Variants in CARHSP1 observed in about 807,000 individuals in gnomAD.
The protein encoded by CARHSP1 is calcium regulated heat stable protein 1.
In CARHSP1, 14 loss-of-function variants were observed where a neutral mutation model predicts 12.5. The observed-to-expected ratio is 1.12, with a 90% CI of 0.74 to 1.75. The LOEUF (loss-of-function observed/expected upper bound fraction) is 1.75, where lower values mean the gene tolerates loss of function less well. CARHSP1 is among the 40% of genes most tolerant of loss of function. The pLI is 0.00. For missense variants in CARHSP1, 343 were observed against 201.6 expected (o/e 1.70, Z -4.25); for synonymous variants, 161 against 82.0 (o/e 1.96, Z -5.20).
In CARHSP1 at chr16:8,854,987, G is replaced by A. The variant is rs554702983; in HGVS notation, c.*177C>T. 4.9e-4 allele frequency: 241 copies of A among 491,156 alleles called. 2 individuals carry two copies. In the Middle Eastern group the frequency reaches 9.1e-3, roughly 19 times the overall value. 30.4% of individuals were successfully genotyped at this position (491,156 alleles called of 1,614,324 possible). A position where few individuals can be genotyped will look rare whatever the true frequency, so the allele number is the denominator to read the frequency against. ...ATGGTCATAGGCTGTGCTGATGGCC[G>A]GGAACACCCCACACCCCACACCTGC... On this transcript the variant is annotated 3_prime_UTR_variant, in exon 4 of 4. Transcript: ENST00000311052.
chr16:8,857,734 C>G (rs1485480129), intron 3 of CARHSP1: 1 of 149,130 alleles, frequency 6.7e-6, no homozygotes, highest in Non-Finnish European at 1.5e-5. Flanking sequence ...GGATTACATG[C>G]ACCTGTCACC....
intron 3 of CARHSP1, among the ~76,000 whole-genome samples, chr16:8,857,263 G>GTTTTTTGTTTTTTTTTTTTTTTTTTTTT (rs1315960023): frequency 1.8e-5 from 1 of 57,004 alleles, no homozygotes; most frequent in Non-Finnish European, 3.7e-5. Context: ...GGGCAGATCT[G>GTTTTTTGTTTTTTTTTTTTTTTTTTTTT]TTTTTTTTTT....
intron 1 of CARHSP1, chr16:8,866,591 C>A: frequency 3.3e-6 from 1 of 299,682 alleles, no homozygotes; most frequent in Non-Finnish European, 4.9e-6. Flanking sequence ...CGATAGAGGC[C>A]GAGAACGAGC....
rs1170675405 is a variant in CARHSP1 at position 8,854,330 on chromosome 16, G to C, written c.*834C>G. 3 of 152,138 alleles carry C rather than the reference G, an allele frequency of 2.0e-5. No individual in the cohort carries two copies. Among genetic ancestry groups the C allele is most frequent in the East Asian group, 1.9e-4 (1 of 5,196 alleles). 9.4% of individuals were successfully genotyped at this position (152,138 alleles called of 1,614,324 possible). On this transcript the variant is annotated 3_prime_UTR_variant, in exon 4 of 4. Coordinates refer to ENST00000311052, the MANE Select transcript of CARHSP1 (RefSeq NM_014316.4). ...GGGACAAAGTTTTTAAACAAAGACT[G>C]TGTCCTCTCCACAAGCCCTTCCCAC...
intron 1 of CARHSP1, among the ~76,000 whole-genome samples, chr16:8,865,936 G>C (rs1025714804): frequency 1.3e-5 from 2 of 152,072 alleles, no homozygotes; most frequent in African/African-American, 4.8e-5. Flanking sequence ...GTGTGGGGTG[G>C]GGCCTGAGAT....
At chr16:8,862,160 G>C (rs902835013) in intron 1 of CARHSP1, among the ~76,000 whole-genome samples, 1 of 151,650 alleles carries the variant, frequency 6.6e-6, no homozygotes, top group African/African-American at 2.4e-5. Context: ...CCGCCATCAC[G>C]CCCGGCTAAT....
In CARHSP1 at chr16:8,857,273, T is replaced by TTTTTTTG. The variant is rs2061156882; in HGVS notation, c.281+1076_281+1077insCAAAAAA. On this transcript the variant is annotated intron_variant, in intron 3 of 3. Coordinates refer to ENST00000311052, the MANE Select transcript of CARHSP1 (RefSeq NM_014316.4). ...ATCTTGGGCAGATCTGTTTTTTTTT[T>TTTTTTTG]TTTTTTTTTTTTTTTTTTTTTTTTT... Among the ~76,000 whole-genome samples the TTTTTTTG allele has an allele frequency of 1.1e-4, 5 of 45,552 alleles. 1 individual carries two copies. Among genetic ancestry groups the TTTTTTTG allele is most frequent in the African/African-American group, 2.7e-4 (3 of 11,036 alleles). 29.9% of individuals were successfully genotyped at this position (45,552 alleles called of 152,430 possible).
chr16:8,864,486 C>G lies in CARHSP1; in HGVS notation c.-8+4480G>C, dbSNP rs1287221146. 2.6e-5 allele frequency among the ~76,000 whole-genome samples: 4 copies of G among 152,372 alleles called. No homozygotes were observed. In the East Asian group the frequency reaches 7.7e-4, roughly 29 times the overall value. On this transcript the variant is annotated intron_variant, in intron 1 of 3. Coordinates refer to ENST00000311052, the MANE Select transcript of CARHSP1 (RefSeq NM_014316.4). ...AACACTTCACACAGCCCAGCTCATT[C>G]TATCCCCATTTCACTAATGGGAGAA...
chr16:8,866,087 G>A (rs1224343469), intron 1 of CARHSP1, among the ~76,000 whole-genome samples: 1 of 152,152 alleles, frequency 6.6e-6, no homozygotes, highest in Admixed American at 6.6e-5. Context: ...CCAAGTAGCT[G>A]GGACTACAGG....
chr16:8,865,310 A>G (rs1286915621), intron 1 of CARHSP1, among the ~76,000 whole-genome samples: 1 of 152,076 alleles, frequency 6.6e-6, no homozygotes, highest in Non-Finnish European at 1.5e-5. Context: ...GGGTTTCACC[A>G]TTTTAGCCAA....
At chr16:8,856,918 TCAGA>T (rs1189302962) in intron 3 of CARHSP1, among the ~76,000 whole-genome samples, 1 of 152,034 alleles carries the variant, frequency 6.6e-6, no homozygotes, top group African/African-American at 2.4e-5. Context: ...CCAAGGGTTT[TCAGA>T]CACTCAGGAA....
chr16:8,855,643 G>C (rs1052026937), intron 3 of CARHSP1, among the ~76,000 whole-genome samples: 1 of 152,018 alleles, frequency 6.6e-6, no homozygotes, highest in Non-Finnish European at 1.5e-5. Context: ...GCTTGTGACT[G>C]AAGAGTAAAG....
rs1315960023 is a variant in CARHSP1, at chr16:8,857,263, G to GTTTTTTGTTTTTTGTT, written c.281+1086_281+1087insAACAAAAAACAAAAAA. Among the ~76,000 whole-genome samples the GTTTTTTGTTTTTTGTT allele has an allele frequency of 7.0e-4, 40 of 57,036 alleles. 5 individuals carry two copies. Among genetic ancestry groups the GTTTTTTGTTTTTTGTT allele is most frequent in the African/African-American group, 1.8e-3 (32 of 17,920 alleles). 37.4% of individuals were successfully genotyped at this position (57,036 alleles called of 152,430 possible). A position where few individuals can be genotyped will look rare whatever the true frequency, so the allele number is the denominator to read the frequency against. ...TGGCTATGTGATCTTGGGCAGATCT[G>GTTTTTTGTTTTTTGTT]TTTTTTTTTTTTTTTTTTTTTTTTT... is the stretch of plus-strand genomic sequence containing the variant. On this transcript the variant is annotated intron_variant, in intron 3 of 3. Transcript: ENST00000311052.
intron 1 of CARHSP1, among the ~76,000 whole-genome samples, chr16:8,866,155 T>C (rs1245132569): frequency 6.6e-6 from 1 of 152,168 alleles, no homozygotes; most frequent in Non-Finnish European, 1.5e-5. Flanking sequence ...GGTCTCACTG[T>C]GTTGTCCAGG....
chr16:8,853,821 C>T lies in CARHSP1; in HGVS notation c.*1343G>A, dbSNP rs1401540084. 6.6e-6 allele frequency: 1 copy of T among 152,224 alleles called. No individual in the cohort carries two copies. Among genetic ancestry groups the T allele is most frequent in the African/African-American group, 2.4e-5 (1 of 41,446 alleles). The allele number at this position is 152,224 out of a possible 1,614,324, so 9.4% of individuals were successfully genotyped here. ...AGTTTGCAGGCCGGGCGCGATGGCT[C>T]ACACTTGTAATCCCAGCACTTTGAG... On this transcript the variant is annotated 3_prime_UTR_variant, in exon 4 of 4. Coordinates refer to ENST00000311052, the MANE Select transcript of CARHSP1 (RefSeq NM_014316.4).
intron 1 of CARHSP1, among the ~76,000 whole-genome samples, chr16:8,866,701 A>G (rs1596331258): frequency 2.6e-5 from 1 of 38,448 alleles, no homozygotes; most frequent in Admixed American, 3.6e-4. Context: ...GAGAGAGAGG[A>G]GGGGGAGGGA....
intron 1 of CARHSP1, among the ~76,000 whole-genome samples, chr16:8,865,690 C>T (rs758403234): frequency 5.3e-5 from 8 of 152,206 alleles, no homozygotes; most frequent in Non-Finnish European, 1.2e-4. Flanking sequence ...GGCTGTAGTG[C>T]TTTCATACAC....
rs1297655219 is a variant in CARHSP1, at chr16:8,866,872, G to A, written c.-8+2094C>T. On this transcript the variant is annotated intron_variant, in intron 1 of 3. Coordinates refer to ENST00000311052, the MANE Select transcript of CARHSP1 (RefSeq NM_014316.4). ...AGGGAAGGTGCAGCCCGGCGCCTAC[G>A]TCTGCCCAGAGCCCCCTCCCAGGCC... Among the ~76,000 whole-genome samples the A allele has an allele frequency of 6.6e-5, 10 of 152,220 alleles. No homozygotes were observed. In the East Asian group the frequency reaches 1.7e-3, roughly 27 times the overall value.
At position 8,858,382 on chromosome 16, in the gene CARHSP1, A is replaced by G. The variant is rs762190426; in HGVS notation, c.249T>C (p.Asp83=). The change falls in exon 3 of 4, where the codon GAT becomes GAC. Residue 83 remains aspartate (D), a synonymous_variant. Coordinates refer to ENST00000311052, the MANE Select transcript of CARHSP1 (RefSeq NM_014316.4). ...SKGHGFITPA[D]GGPDIFLHIS... ...TGTGCAGGAAGATGTCGGGGCCGCC[A>G]TCAGCTGGAGTAATGAAGCCATGGC... The G allele has an allele frequency of 2.5e-6, 4 of 1,614,032 alleles. No individual in the cohort carries two copies. The South Asian group carries it at 4.4e-5, about 18-fold the overall frequency.
Sources: gnomAD v4.1 joint callset for allele counts (sites outside exome capture counted in the v4.1 genomes callset) on GRCh38, gnomAD v4.1.1 for gene constraint, MANE v1.5 for transcripts, NCBI Gene and HGNC (gene_info 2026-07-23, HGNC 2026-07-21) for gene names.